The following VAV2 variants were observed in gnomAD, a reference collection of about 807,000 sequenced individuals.
The protein encoded by VAV2 is vav guanine nucleotide exchange factor 2, also known as guanine nucleotide exchange factor VAV2.
VAV2 carries 67 observed loss-of-function variants against 132.5 expected under a neutral mutation model. The ratio of observed to expected loss-of-function variants is 0.51; its 90% CI spans 0.42 to 0.62. VAV2 has a LOEUF of 0.62. VAV2 is among the 20% of genes least tolerant of loss of function. VAV2 has a pLI of 0.00. For missense variants in VAV2, 938 were observed against 1,153.6 expected, an observed-to-expected ratio of 0.81 and a Z score of 2.71; for synonymous variants, 492 against 443.5, an observed-to-expected ratio of 1.11 and a Z score of -1.37.
intron 2 of VAV2, among the ~76,000 whole-genome samples, chr9:133,913,511 T>G (rs1839954110): frequency 6.6e-6 from 1 of 152,154 alleles, no homozygotes; most frequent in Non-Finnish European, 1.5e-5. Flanking sequence ...CTCCAAAAAG[T>G]GCAGAAATGA....
Position 133,769,432 on chromosome 9 carries a change from C to T in VAV2, c.2419G>A (p.Ala807Thr), listed in dbSNP as rs183141718. The T allele has an allele frequency of 1.1e-3, 1,704 of 1,612,426 alleles. No homozygotes were observed. The highest frequency in any genetic ancestry group is 1.4e-3 in the Non-Finnish European group (1,627 of 1,179,310). ...GLSFASQGPS[A>T]PFWSVFTPRV... ...GCAGCGGTACCTGACCAGAAGGGAG[C>T]GGAGGGGCCCTGAGAAGCAAAGCTG... Residue 807 changes from alanine (A) to threonine (T), a missense_variant, in exon 28 of 30, where the codon GCT (alanine) becomes ACT (threonine). By Grantham distance (58) the Ala-to-Thr change is moderately conservative. Transcript: ENST00000371850. This position sits in a 1 kb window ranked among gnomAD's most constrained non-coding sequence, Gnocchi z 8.1.
chr9:133,924,761 G>A (rs58791400), intron 2 of VAV2, among the ~76,000 whole-genome samples: 2 of 152,344 alleles, frequency 1.3e-5, no homozygotes, highest in East Asian at 3.9e-4. Context: ...ATGGGCCAGA[G>A]GGCTCAGGAC....
intron 4 of VAV2, among the ~76,000 whole-genome samples, chr9:133,831,755 G>T (rs1836274234): frequency 6.6e-6 from 1 of 152,228 alleles, no homozygotes; most frequent in Non-Finnish European, 1.5e-5. Flanking sequence ...TGGTAACTTA[G>T]GAGAAATAGC....
intron 24 of VAV2, 38 bp downstream of exon 24, chr9:133,775,990 C>T (rs756324449): frequency 1.5e-5 from 24 of 1,576,336 alleles, no homozygotes; most frequent in Non-Finnish European, 2.1e-5. Context: ...ACAAAGAGGC[C>T]ACCAGATGCC....
At chr9:133,838,502 GGTAA>G (rs1195202582) in intron 3 of VAV2, among the ~76,000 whole-genome samples, 42 of 93,660 alleles carry the variant, frequency 4.5e-4, no homozygotes, top group East Asian at 7.2e-4. Context: ...TGGATGGGTG[GGTAA>G]GTGGGTGGGT....
chr9:133,918,767 G>GTGTTTGTT lies in VAV2; in HGVS notation c.321+20328_321+20335dup, dbSNP rs555729648. Among the ~76,000 whole-genome samples, 1 of 151,800 alleles carries GTGTTTGTT rather than the reference G, an allele frequency of 6.6e-6. No homozygotes were observed. Among genetic ancestry groups the GTGTTTGTT allele is most frequent in the Admixed American group, 6.6e-5 (1 of 15,228 alleles). On this transcript the variant is annotated intron_variant, in intron 2 of 29. Transcript: ENST00000371850. This position sits in a 1 kb window ranked among gnomAD's most constrained non-coding sequence, Gnocchi z 4.7. ...AGAAGCAGCCGCCATGTGTGTGTGTGTGTTTGTTTGTTTGTTTGTTTGTTT... is the reference window on the plus strand; with the variant it reads ...AGAAGCAGCCGCCATGTGTGTGTGTGTGTTTGTTTGTTTGTTTGTTTGTTTGTTTGTTT...
chr9:133,812,244 G>C (rs373164046), intron 4 of VAV2, 28 bp from the exon 5 acceptor site: 2 of 1,608,326 alleles, frequency 1.2e-6, no homozygotes, highest in African/African-American at 2.7e-5. Flanking sequence ...GGTTAGAGGG[G>C]AGGGGAGGCT....
chr9:133,831,682 T>C (rs2510261), intron 4 of VAV2, among the ~76,000 whole-genome samples: 9,949 of 152,260 alleles, frequency 0.065, 685 homozygotes, highest in African/African-American at 0.18. Flanking sequence ...GGAGCCCTCC[T>C]GTGCTGACTG....
At position 133,812,148 on chromosome 9, in the gene VAV2, T is replaced by G; in HGVS notation, c.518A>C (p.Glu173Ala). 6.2e-7 allele frequency: 1 copy of G among 1,613,956 alleles called. No homozygotes were observed. The highest frequency in any genetic ancestry group is 8.5e-7 in the Non-Finnish European group (1 of 1,179,992). ...CTGCACCTCCACCTTGATGATGTCC[T>G]CGTAGATGTCGTCCCCTCCATCCTC... ...PCEDGGDDIY[E>A]DIIKVEVQQP... Residue 173 changes from glutamate to alanine, a missense_variant, in exon 5 of 30, where the codon GAG becomes GCG. Coordinates refer to ENST00000371850, the MANE Select transcript of VAV2 (RefSeq NM_001134398.2).
chr9:133,828,819 T>A (rs1443348909), intron 4 of VAV2, among the ~76,000 whole-genome samples: 6 of 152,198 alleles, frequency 3.9e-5, no homozygotes, highest in Admixed American at 3.3e-4. Context: ...GAGCCCCACC[T>A]TGCCCTCCAG....
intron 12 of VAV2, among the ~76,000 whole-genome samples, chr9:133,793,535 C>T (rs1344305309): frequency 6.6e-6 from 1 of 152,144 alleles, no homozygotes; most frequent in Non-Finnish European, 1.5e-5. Context: ...ACAAGGACCC[C>T]AGTAGCAAGT....
At position 133,772,346 on chromosome 9, in the gene VAV2, T is replaced by C. The variant is rs372960153; in HGVS notation, c.2136-300A>G. Among the ~76,000 whole-genome samples the C allele has an allele frequency of 4.4e-3, 666 of 152,292 alleles. 4 individuals carry two copies. Among genetic ancestry groups the C allele is most frequent in the African/African-American group, 0.015 (634 of 41,558 alleles). On this transcript the variant is annotated intron_variant, in intron 25 of 29. Transcript: ENST00000371850. ...CTCCTGTCCTGGGCTTCTGCTCATT[T>C]GCTTTTCAGTACCAGGAGCCTCTCC...
intron 3 of VAV2, among the ~76,000 whole-genome samples, chr9:133,859,006 C>T (rs572897812): frequency 2.8e-4 from 42 of 152,348 alleles, no homozygotes; most frequent in Non-Finnish European, 4.8e-4. Flanking sequence ...CAACCGACTG[C>T]TCTGCCCATC....
chr9:133,883,784 C>G lies in VAV2; in HGVS notation c.322-22352G>C, dbSNP rs1838593602. ...CGGGATCCAGTGCCACTGTGAGGCTCAAGTACACCCCAAAACTCACACTTG... is the reference window on the plus strand; with the variant it reads ...CGGGATCCAGTGCCACTGTGAGGCTGAAGTACACCCCAAAACTCACACTTG... On this transcript the variant is annotated intron_variant, in intron 2 of 29. Transcript: ENST00000371850. The surrounding 1 kb of genome is among the most constrained non-coding windows in gnomAD (Gnocchi z 4.2). Among the ~76,000 whole-genome samples the G allele has an allele frequency of 6.6e-6, 1 of 152,290 alleles. No homozygotes were observed. The highest frequency in any genetic ancestry group is 2.4e-5 in the African/African-American group (1 of 41,548).
At chr9:133,950,573 T>A (rs1240502337) in intron 1 of VAV2, among the ~76,000 whole-genome samples, 1 of 152,190 alleles carries the variant, frequency 6.6e-6, no homozygotes, top group Admixed American at 6.5e-5. Context: ...CCAAAGGTTT[T>A]CTATAAAGCT....
intron 1 of VAV2, among the ~76,000 whole-genome samples, chr9:133,978,032 A>G (rs1420019372): frequency 6.6e-6 from 1 of 152,150 alleles, no homozygotes; most frequent in Non-Finnish European, 1.5e-5. Flanking sequence ...GAGATGTCCT[A>G]CGTGTATGAG....
At chr9:133,936,859 A>G (rs1051174604) in intron 2 of VAV2, among the ~76,000 whole-genome samples, 3 of 152,298 alleles carry the variant, frequency 2.0e-5, no homozygotes, top group African/African-American at 7.2e-5. Context: ...AGACATGGGG[A>G]GACCAGAGGC....
rs1183015511 is a variant in VAV2 at position 133,884,689 on chromosome 9, C to A, written c.322-23257G>T. On this transcript the variant is annotated intron_variant, in intron 2 of 29. Coordinates refer to ENST00000371850, the MANE Select transcript of VAV2 (RefSeq NM_001134398.2). This position sits in a 1 kb window ranked among gnomAD's most constrained non-coding sequence, Gnocchi z 5.3. ...TAAAAAGAAAAACAAAAAAAAACAC[C>A]TCTGGCTTTAAAAATGTTTTAACTC... 1.3e-5 allele frequency among the ~76,000 whole-genome samples: 2 copies of A among 152,216 alleles called. No individual in the cohort carries two copies. Among genetic ancestry groups the A allele is most frequent in the Admixed American group, 1.3e-4 (2 of 15,278 alleles).
At chr9:133,856,434 C>T (rs1056061988) in intron 3 of VAV2, among the ~76,000 whole-genome samples, 3 of 146,284 alleles carry the variant, frequency 2.1e-5, no homozygotes, top group Admixed American at 2.0e-4. Flanking sequence ...TGCCCCCCAC[C>T]GGGACCCCAT....
Sources: gnomAD v4.1 joint callset for allele counts (sites outside exome capture counted in the v4.1 genomes callset) on GRCh38, gnomAD v4.1.1 for gene constraint, Gnocchi (gnomAD v3.1) non-coding constraint, MANE v1.5 for transcripts, NCBI Gene and HGNC (gene_info 2026-07-23, HGNC 2026-07-21) for gene names.